Variants in TRIM25 observed in about 807,000 individuals in gnomAD.
The protein encoded by TRIM25 is tripartite motif containing 25.
Under a neutral mutation model 65.2 loss-of-function variants are expected in TRIM25, and 45 were observed. That is an observed-to-expected ratio of 0.69 (90% confidence interval 0.54 to 0.89). TRIM25 has a LOEUF of 0.89. Among genes scored for constraint, TRIM25 ranks in the 40% least tolerant of loss-of-function variants. The pLI is 0.00. For missense variants in TRIM25, 714 were observed against 803.7 expected (o/e 0.89, Z 1.35); for synonymous variants, 321 against 340.4 (o/e 0.94, Z 0.63).
chr17:56,900,743 GGAGA>G (rs1024089151), intron 4 of TRIM25, among the ~76,000 whole-genome samples: 2 of 152,208 alleles, frequency 1.3e-5, no homozygotes, highest in African/African-American at 4.8e-5. Context: ...CCTTGGGGCT[GGAGA>G]GAGACCAACA....
At chr17:56,893,489 A>T (rs572361050) in intron 8 of TRIM25, among the ~76,000 whole-genome samples, 1 of 152,208 alleles carries the variant, frequency 6.6e-6, no homozygotes, top group Non-Finnish European at 1.5e-5. Flanking sequence ...GGCTACAAGA[A>T]GGCCAGCCCT....
Position 56,913,418 on chromosome 17 carries a change from G to T in TRIM25, c.571C>A (p.Leu191Met), listed in dbSNP as rs868085825. 6.3e-7 allele frequency: 1 copy of T among 1,581,792 alleles called. No homozygotes were observed. Residue 191 changes from leucine to methionine, a missense_variant, in exon 1 of 9, where the codon CTG (leucine) becomes ATG (methionine). Coordinates refer to ENST00000316881, the MANE Select transcript of TRIM25 (RefSeq NM_005082.5). This position sits in a 1 kb window ranked among gnomAD's most constrained non-coding sequence, Gnocchi z 6.1. ...TCCAGGTCGGCGCTGGCCTGGCTCAGGGACGCGGGAGAGCAGGTCTTATGC... is the reference window on the plus strand; with the variant it reads ...TCCAGGTCGGCGCTGGCCTGGCTCATGGACGCGGGAGAGCAGGTCTTATGC... ...VEHKTCSPAS[L>M]SQASADLEAT... is the part of the protein sequence containing the mutation.
At chr17:56,911,767 T>C (rs1909634089) in intron 1 of TRIM25, among the ~76,000 whole-genome samples, 2 of 151,960 alleles carry the variant, frequency 1.3e-5, no homozygotes, top group African/African-American at 4.8e-5. Context: ...TGGCTCACAT[T>C]TGTAGTACTA....
intron 2 of TRIM25, among the ~76,000 whole-genome samples, chr17:56,906,433 A>G (rs1421457295): frequency 6.6e-6 from 1 of 152,234 alleles, no homozygotes; most frequent in Non-Finnish European, 1.5e-5. Context: ...AAACATAACA[A>G]AGAGAAAAAC....
rs1909132156 is a variant in TRIM25 at position 56,889,864 on chromosome 17, G to C, written c.*1836C>G. On this transcript the variant is annotated 3_prime_UTR_variant, in exon 9 of 9. Transcript: ENST00000316881. ...AATCACCAAAGAACTTTTCTTCCAAGTAGTAAAGGAATAAAACTTCTAAGG... is the reference window on the plus strand; with the variant it reads ...AATCACCAAAGAACTTTTCTTCCAACTAGTAAAGGAATAAAACTTCTAAGG... The C allele has an allele frequency of 2.5e-6, 1 of 398,458 alleles. No individual in the cohort carries two copies. The highest frequency in any genetic ancestry group is 1.3e-4 in the South Asian group (1 of 7,856). The allele number at this position is 398,458 out of a possible 1,614,324, so 24.7% of individuals were successfully genotyped here. A position where few individuals can be genotyped will look rare whatever the true frequency, so the allele number is the denominator to read the frequency against.
At chr17:56,910,525 T>A (rs963615215) in intron 1 of TRIM25, among the ~76,000 whole-genome samples, 6 of 152,172 alleles carry the variant, frequency 3.9e-5, no homozygotes, top group Non-Finnish European at 8.8e-5. Context: ...TGCCAACTGC[T>A]TCACTTTCAA....
In TRIM25 at chr17:56,899,794, G is replaced by A. The variant is rs189884134; in HGVS notation, c.1088-614C>T. 5.9e-5 allele frequency among the ~76,000 whole-genome samples: 9 copies of A among 152,326 alleles called. No individual in the cohort carries two copies. In the East Asian group the frequency reaches 1.7e-3, roughly 29 times the overall value. On this transcript the variant is annotated intron_variant, in intron 4 of 8. Transcript: ENST00000316881. ...GGGAAATAGCGTTGAAGAAAAATCA[G>A]ACAGGCCAGGCACAGTGGCTCAAGC...
Position 56,896,038 on chromosome 17 carries a change from T to C in TRIM25, c.1154-86A>G. 2.2e-6 allele frequency: 3 copies of C among 1,365,774 alleles called. No homozygotes were observed. The South Asian group carries it at 3.8e-5, about 17-fold the overall frequency. 84.6% of individuals were successfully genotyped at this position (1,365,774 alleles called of 1,614,324 possible). On this transcript the variant is annotated intron_variant, in intron 5 of 8. Transcript: ENST00000316881. ...AATAATAACATTCATGTGCATGAAT[T>C]TGACCCAGACAAATAAAAGGATGTT...
chr17:56,894,997 G>T (rs1328683264), intron 8 of TRIM25, among the ~76,000 whole-genome samples: 2 of 152,216 alleles, frequency 1.3e-5, no homozygotes, highest in East Asian at 3.9e-4. Flanking sequence ...GAGATGCAGG[G>T]CAGGCATGCC....
chr17:56,896,253 C>T (rs1909290269), intron 5 of TRIM25, among the ~76,000 whole-genome samples: 1 of 151,460 alleles, frequency 6.6e-6, no homozygotes, highest in Admixed American at 6.6e-5. Flanking sequence ...GATCTAACTG[C>T]ACATTTAAGA....
rs999821961 is a variant in TRIM25 at position 56,890,382 on chromosome 17, C to T, written c.*1318G>A. 2.0e-5 allele frequency: 7 copies of T among 351,530 alleles called. No homozygotes were observed. The highest frequency in any genetic ancestry group is 4.0e-5 in the Non-Finnish European group (7 of 177,062). 21.8% of individuals were successfully genotyped at this position (351,530 alleles called of 1,614,324 possible). A position where few individuals can be genotyped will look rare whatever the true frequency, so the allele number is the denominator to read the frequency against. Reference sequence around the variant, plus strand: ...TTGTGTGACCCTCTTTAGCTCTTTCCCTCCCTCCCTGATCAATGTGAGCTT... The same window carrying T: ...TTGTGTGACCCTCTTTAGCTCTTTCTCTCCCTCCCTGATCAATGTGAGCTT... On this transcript the variant is annotated 3_prime_UTR_variant, in exon 9 of 9. Transcript: ENST00000316881.
At chr17:56,895,258 C>A in intron 8 of TRIM25, 85 bp downstream of exon 8, 1 of 1,072,346 alleles carries the variant, frequency 9.3e-7, no homozygotes, top group Non-Finnish European at 1.4e-6. Context: ...ATATAGCCGG[C>A]CAGCTGGCCT....
rs770851993 is a variant in TRIM25, at chr17:56,889,727, C to A, written c.*1973G>T. 1.0e-5 allele frequency: 4 copies of A among 398,508 alleles called. No homozygotes were observed. Among genetic ancestry groups the A allele is most frequent in the African/African-American group, 2.1e-5 (1 of 48,636 alleles). The allele number at this position is 398,508 out of a possible 1,614,324, so 24.7% of individuals were successfully genotyped here. On this transcript the variant is annotated 3_prime_UTR_variant, in exon 9 of 9. Transcript: ENST00000316881. ...GCAGGAGCCATGGATTTATCTCTGG[C>A]ATTCTACTCCTCCAAGCCCAGCTGT...
At chr17:56,893,327 T>G (rs1224372886) in intron 8 of TRIM25, among the ~76,000 whole-genome samples, 2 of 151,484 alleles carry the variant, frequency 1.3e-5, no homozygotes, top group Non-Finnish European at 2.9e-5. Context: ...CCTAAGTTGA[T>G]AGAATTTTAC....
chr17:56,896,686 C>T (rs890819989), intron 5 of TRIM25, among the ~76,000 whole-genome samples: 3 of 148,454 alleles, frequency 2.0e-5, no homozygotes, highest in African/African-American at 7.4e-5. Flanking sequence ...AAAAAAAATG[C>T]TTGCCAAGTC....
chr17:56,888,831 G>C lies in TRIM25; in HGVS notation c.*2869C>G, dbSNP rs1909109996. The C allele has an allele frequency of 6.6e-6, 1 of 152,226 alleles. No homozygotes were observed. The highest frequency in any genetic ancestry group is 6.6e-5 in the Admixed American group (1 of 15,266). The allele number at this position is 152,226 out of a possible 1,614,324, so 9.4% of individuals were successfully genotyped here. A position where few individuals can be genotyped will look rare whatever the true frequency, so the allele number is the denominator to read the frequency against. On this transcript the variant is annotated 3_prime_UTR_variant, in exon 9 of 9. Transcript: ENST00000316881. ...TGGGTGGGGCCTGGGCAGGTCCCTG[G>C]GCAGTAGCCGTCTGTAGTGGGCGGC...
In TRIM25 at chr17:56,891,567, C is replaced by CCCAACCCA; in HGVS notation, c.*132_*133insTGGGTTGG. The CCCAACCCA allele has an allele frequency of 1.2e-6, 1 of 811,836 alleles. No homozygotes were observed. Among genetic ancestry groups the CCCAACCCA allele is most frequent in the Non-Finnish European group, 1.9e-6 (1 of 539,152 alleles). The allele number at this position is 811,836 out of a possible 1,614,324, so 50.3% of individuals were successfully genotyped here. A position where few individuals can be genotyped will look rare whatever the true frequency, so the allele number is the denominator to read the frequency against. Reference sequence around the variant, plus strand: ...TGGCTAAATCCCACCTCCCACCCTCCCGCCAGCTCCCCTCCCATGCTCCCA... The same window carrying CCCAACCCA: ...TGGCTAAATCCCACCTCCCACCCTCCCCAACCCACGCCAGCTCCCCTCCCATGCTCCCA... On this transcript the variant is annotated 3_prime_UTR_variant, in exon 9 of 9. Transcript: ENST00000316881.
intron 5 of TRIM25, among the ~76,000 whole-genome samples, chr17:56,897,043 T>G (rs1909308366): frequency 6.6e-6 from 1 of 151,690 alleles, no homozygotes; most frequent in Admixed American, 6.6e-5. Context: ...AGCCCAGGAG[T>G]TCGAGGCTGC....
rs1009352438 is a variant in TRIM25 at position 56,888,932 on chromosome 17, G to A, written c.*2768C>T. ...ACAATGCAGGAGAACGCCAAACACC[G>A]CTTTATTGCATTCAAACCTTCTAAG... On this transcript the variant is annotated 3_prime_UTR_variant, in exon 9 of 9. Transcript: ENST00000316881. The A allele has an allele frequency of 2.0e-5, 3 of 152,148 alleles. No homozygotes were observed. Among genetic ancestry groups the A allele is most frequent in the Non-Finnish European group, 4.4e-5 (3 of 68,042 alleles). The allele number at this position is 152,148 out of a possible 1,614,324, so 9.4% of individuals were successfully genotyped here.
Sources: gnomAD v4.1 joint callset for allele counts (sites outside exome capture counted in the v4.1 genomes callset) on GRCh38, gnomAD v4.1.1 for gene constraint, Gnocchi (gnomAD v3.1) non-coding constraint, MANE v1.5 for transcripts, NCBI Gene and HGNC (gene_info 2026-07-23, HGNC 2026-07-21) for gene names.